CHD4: variants seen among roughly 807,000 people sequenced by gnomAD.
The protein encoded by CHD4 is ATP-dependent chromatin remodeler CHD4.
In CHD4, 35 loss-of-function variants were observed where a neutral mutation model predicts 235.5. That is an observed-to-expected ratio of 0.15 (90% CI 0.11 to 0.20). The LOEUF (loss-of-function observed/expected upper bound fraction) is 0.20, where lower values mean the gene tolerates loss of function less well. Ranked by LOEUF, CHD4 falls within the 10% of genes least tolerant of loss-of-function variation. CHD4 has a pLI of 1.00. For missense variants in CHD4, 1,329 were observed against 2,432.3 expected (o/e 0.55, Z 9.54); for synonymous variants, 900 against 850.2 (o/e 1.06, Z -1.02).
At chr12:6,586,978 G>A in intron 25 of CHD4, 1 of 163,280 alleles carries the variant, frequency 6.1e-6, no homozygotes, top group Non-Finnish European at 1.3e-5. Context: ...GATTACAGAT[G>A]TGAGCCACTG....
chr12:6,581,933 G>A, intron 30 of CHD4, 119 bp from the exon 31 acceptor site: 1 of 1,301,570 alleles, frequency 7.7e-7, no homozygotes, highest in Non-Finnish European at 1.0e-6. Context: ...CTTCTGAGTA[G>A]CTGGGAATAC....
At chr12:6,584,147 T>C (rs1948241640) in intron 25 of CHD4, 1 of 152,202 alleles carries the variant, frequency 6.6e-6, no homozygotes, top group Admixed American at 6.5e-5. Flanking sequence ...CAGACTTTTT[T>C]CTTGTCATTA....
Position 6,601,993 on chromosome 12 carries a change from C to A in CHD4, c.405G>T (p.Glu135Asp), listed in dbSNP as rs1229919546. 1 of 1,610,262 alleles carries A rather than the reference C, an allele frequency of 6.2e-7. No individual in the cohort carries two copies. The change falls in exon 4 of 40, where the codon GAG becomes GAT. Residue 135 changes from glutamate (E) to aspartate (D), a missense_variant. This residue lies in a region of CHD4 where 213 missense variants were observed against 177.5 expected (regional missense o/e 1.20). Transcript: ENST00000544040. ...CATCATCATCATCCTCCTCCTCCTC[C>A]TCCTCCTTCCGCTTGGATTTGCTCT... ...EKKSKSKRKEEEEEEDDDDDS... is the reference protein window; with the variant it reads ...EKKSKSKRKEDEEEEDDDDDS...
chr12:6,570,423 C>T lies in CHD4; in HGVS notation c.*253G>A, dbSNP rs1947942881. 3 of 539,510 alleles carry T rather than the reference C, an allele frequency of 5.6e-6. No individual in the cohort carries two copies. In the African/African-American group the frequency reaches 5.7e-5, roughly 10 times the overall value. The allele number at this position is 539,510 out of a possible 1,614,324, so 33.4% of individuals were successfully genotyped here. A position where few individuals can be genotyped will look rare whatever the true frequency, so the allele number is the denominator to read the frequency against. On this transcript the variant is annotated 3_prime_UTR_variant, in exon 40 of 40. Coordinates refer to ENST00000544040, the MANE Select transcript of CHD4 (RefSeq NM_001273.5). ...TAACAGGCGTTACAGTGGGGAGAAGCCAGGGTCCAGAAGGCCAGCCCGCCA... is the reference window on the plus strand; with the variant it reads ...TAACAGGCGTTACAGTGGGGAGAAGTCAGGGTCCAGAAGGCCAGCCCGCCA...
At chr12:6,604,585 C>A (rs1948657799) in intron 2 of CHD4, among the ~76,000 whole-genome samples, 1 of 151,920 alleles carries the variant, frequency 6.6e-6, no homozygotes, top group Non-Finnish European at 1.5e-5. Flanking sequence ...CCCCCATCAG[C>A]TACATCTCAC....
chr12:6,581,480 C>G (rs1297120302), intron 31 of CHD4, 92 bp from the exon 32 acceptor site: 3 of 1,520,444 alleles, frequency 2.0e-6, no homozygotes, highest in Non-Finnish European at 2.7e-6. Context: ...TTAAATTGTC[C>G]TCTCGTGCCT....
At chr12:6,574,706 C>T (rs1362453681) in intron 37 of CHD4, among the ~76,000 whole-genome samples, 1 of 152,088 alleles carries the variant, frequency 6.6e-6, no homozygotes, top group East Asian at 1.9e-4. Context: ...TGAGAAATAC[C>T]AAAAGACTTG....
chr12:6,595,357 G>C lies in CHD4; in HGVS notation c.2098C>G (p.Pro700Ala), dbSNP rs1385566956. 6.2e-7 allele frequency: 1 copy of C among 1,613,844 alleles called. No individual in the cohort carries two copies. The change falls in exon 14 of 40, where the codon CCT becomes GCT. Residue 700 changes from proline to alanine, a missense_variant. Pro to Ala is a conservative substitution (Grantham distance 27). Coordinates refer to ENST00000544040, the MANE Select transcript of CHD4 (RefSeq NM_001273.5). ...ACATCAACTGTTGGCGTTTCTGGAG[G>C]CCTCTCCAACTTCCGAAGCTTCACC... Reference protein sequence around the residue: ...KKVKLRKLERPPETPTVDPTV... With the variant: ...KKVKLRKLERAPETPTVDPTV...
intron 37 of CHD4, 40 bp from the exon 38 acceptor site, chr12:6,573,309 A>G: frequency 6.8e-7 from 1 of 1,459,990 alleles, no homozygotes; most frequent in Non-Finnish European, 9.1e-7. Flanking sequence ...TCGACTGATA[A>G]CTCACTTTAC....
At chr12:6,584,740 A>AT (rs1429491661) in intron 25 of CHD4, 2 of 152,228 alleles carry the variant, frequency 1.3e-5, no homozygotes, top group East Asian at 1.9e-4. Flanking sequence ...ACTTAAAAAT[A>AT]TTTTAAAAGA....
Position 6,570,867 on chromosome 12 carries a change from AC to A in CHD4, c.5721+1del. On this transcript the variant is annotated splice_donor_variant, in intron 39 of 39. Transcript: ENST00000544040. LOFTEE classifies it high-confidence loss of function. ...GTGGTGTCAAGAAGAAAATGGTCCT[AC>A]CTGCTGTGGGGTAGGTTCGGGTGCC... The A allele has an allele frequency of 6.2e-7, 1 of 1,614,082 alleles. No homozygotes were observed. Among genetic ancestry groups the A allele is most frequent in the Non-Finnish European group, 8.5e-7 (1 of 1,180,004 alleles).
rs1175965081 is a variant in CHD4, at chr12:6,593,874, T to C, written c.2314-258A>G. On this transcript the variant is annotated intron_variant, in intron 15 of 39. Coordinates refer to ENST00000544040, the MANE Select transcript of CHD4 (RefSeq NM_001273.5). This position sits in a 1 kb window ranked among gnomAD's most constrained non-coding sequence, Gnocchi z 4.9. ...TTCTGAGACGGAGTTTCACTCTTGT[T>C]GCCCAGGCTGGAGTGCAATGGCGCA... 6.6e-6 allele frequency among the ~76,000 whole-genome samples: 1 copy of C among 152,184 alleles called. No homozygotes were observed. Among genetic ancestry groups the C allele is most frequent in the Admixed American group, 6.5e-5 (1 of 15,270 alleles).
chr12:6,598,800 C>G (rs912312256), intron 10 of CHD4, among the ~76,000 whole-genome samples: 1 of 152,120 alleles, frequency 6.6e-6, no homozygotes, highest in Non-Finnish European at 1.5e-5. Flanking sequence ...CAGAGCAAGA[C>G]TCCATCTCAA....
chr12:6,581,015 ACAAAC>A (rs745942514), intron 33 of CHD4, 24 bp downstream of exon 33: 1 of 1,607,602 alleles, frequency 6.2e-7, no homozygotes, highest in South Asian at 1.1e-5. Context: ...AAACAAACAA[ACAAAC>A]AAAAAAAATG....
intron 13 of CHD4, 109 bp from the exon 14 acceptor site, chr12:6,595,539 G>A: frequency 1.1e-6 from 1 of 908,670 alleles, no homozygotes; most frequent in Non-Finnish European, 1.7e-6. Context: ...TGGGAGGCCA[G>A]CACTTTGGGA....
intron 12 of CHD4, 119 bp from the exon 13 acceptor site, chr12:6,596,256 C>A: frequency 2.4e-6 from 3 of 1,274,802 alleles, no homozygotes; most frequent in Non-Finnish European, 3.2e-6. Context: ...ACAGATCACA[C>A]GTTTTCAGAG....
intron 2 of CHD4, chr12:6,602,833 G>C (rs1192982593): frequency 4.9e-6 from 1 of 203,162 alleles, no homozygotes; most frequent in Non-Finnish European, 1.0e-5. Context: ...AAGAGAACTA[G>C]ATTTAGGCCT....
chr12:6,606,302 C>A lies in CHD4; in HGVS notation c.72G>T (p.Leu24Phe). 6.3e-7 allele frequency: 1 copy of A among 1,586,808 alleles called. No individual in the cohort carries two copies. Among genetic ancestry groups the A allele is most frequent in the South Asian group, 1.1e-5 (1 of 89,120 alleles). ...GSEEEDMDAL[L>F]NNSLPPPHPE... The stretch of plus-strand genomic sequence containing the variant: ...GGTGGGGTGGGGGCAGGCTGTTGTT[C>A]AAAAGTGCATCCATATCCTCCTCCT... The change falls in exon 2 of 40, where the codon TTG becomes TTT. Residue 24 changes from leucine to phenylalanine, a missense_variant. Leu to Phe is a conservative substitution (Grantham distance 22). Around this residue, in one of 26 missense-constraint regions of CHD4, gnomAD observed 213 missense variants for 177.5 expected, o/e 1.20. Coordinates refer to ENST00000544040, the MANE Select transcript of CHD4 (RefSeq NM_001273.5).
Position 6,581,095 on chromosome 12 carries a change from T to C in CHD4, c.4858A>G (p.Lys1620Glu), listed in dbSNP as rs193226938. Residue 1620 changes from lysine (K) to glutamate (E), a missense_variant, in exon 33 of 40, where the codon AAG (lysine) becomes GAG (glutamate). Around this residue, in one of 26 missense-constraint regions of CHD4, gnomAD observed 219 missense variants for 219.3 expected, o/e 1.00. Transcript: ENST00000544040. ...TCTGTTCTCTCCTTCACCTCTGCCT[T>C]TTCCACTTTCTCCTCTCCCTCAGGG... ...EPPEGEEKVE[K>E]AEVKERTEEP... 6.2e-7 allele frequency: 1 copy of C among 1,614,184 alleles called. No homozygotes were observed. The highest frequency in any genetic ancestry group is 1.7e-5 in the Admixed American group (1 of 60,016).
Sources: allele counts gnomAD v4.1 joint callset (sites outside exome capture counted in the v4.1 genomes callset), GRCh38; gene constraint gnomAD v4.1.1; regional missense constraint gnomAD v4.1.1; non-coding constraint Gnocchi (gnomAD v3.1); transcripts MANE v1.5; gene names NCBI Gene and HGNC (gene_info 2026-07-23, HGNC 2026-07-21).